ZNF827: variants seen among roughly 807,000 people sequenced by gnomAD.
ZNF827 encodes the protein zinc finger protein 827.
ZNF827 carries 13 observed loss-of-function variants against 102.4 expected under a neutral mutation model. That is an observed-to-expected ratio of 0.13 (90% CI 0.08 to 0.20). The LOEUF (loss-of-function observed/expected upper bound fraction) is 0.20. Ranked by LOEUF, ZNF827 falls within the 10% of genes least tolerant of loss-of-function variation. The pLI is 1.00. For synonymous variants in ZNF827, 523 were observed against 536.2 expected, an observed-to-expected ratio of 0.98 and a Z score of 0.34; for missense variants, 1,103 against 1,344.4, an observed-to-expected ratio of 0.82 and a Z score of 2.81.
At chr4:145,810,993 C>CTTTTTTTTTT (rs34011180) in intron 8 of ZNF827, among the ~76,000 whole-genome samples, 1 of 137,974 alleles carries the variant, frequency 7.2e-6, no homozygotes, top group African/African-American at 2.7e-5. Context: ...ACTCATTTCG[C>CTTTTTTTTTT]TTTTTTTTTT....
At position 145,768,911 on chromosome 4, in the gene ZNF827, ATAT is replaced by A. The variant is rs1735799984; in HGVS notation, c.2861-3176_2861-3174del. 3.8e-4 allele frequency among the ~76,000 whole-genome samples: 18 copies of A among 47,458 alleles called. 3 individuals are homozygous for A. The highest frequency in any genetic ancestry group is 6.8e-4 in the Non-Finnish European group (15 of 22,044). 31.1% of individuals were successfully genotyped at this position (47,458 alleles called of 152,430 possible). A position where few individuals can be genotyped will look rare whatever the true frequency, so the allele number is the denominator to read the frequency against. ...AAAAAATATATATATATATATATAT[ATAT>A]ATTAGGTATACAAAGTTTGGAAATA... On this transcript the variant is annotated intron_variant, in intron 11 of 14. Coordinates refer to ENST00000508784, the MANE Select transcript of ZNF827 (RefSeq NM_001306215.2).
chr4:145,882,581 C>T (rs1023117870), intron 4 of ZNF827, among the ~76,000 whole-genome samples: 16 of 152,164 alleles, frequency 1.1e-4, no homozygotes, highest in African/African-American at 3.1e-4. Context: ...TAATCCCACT[C>T]GGTTCCATTC....
At chr4:145,935,177 A>G (rs1408194381) in intron 1 of ZNF827, among the ~76,000 whole-genome samples, 2 of 152,236 alleles carry the variant, frequency 1.3e-5, no homozygotes, top group Non-Finnish European at 1.5e-5. Context: ...CAGACTTCCT[A>G]TATTTTAAAT....
chr4:145,774,342 T>C (rs1343117718), intron 11 of ZNF827, among the ~76,000 whole-genome samples, 164 bp downstream of exon 11: 1 of 152,190 alleles, frequency 6.6e-6, no homozygotes, highest in African/African-American at 2.4e-5. Context: ...AACAGTATTA[T>C]GACTACAGGG....
chr4:145,794,071 T>C (rs989830147), intron 8 of ZNF827, among the ~76,000 whole-genome samples: 4 of 152,224 alleles, frequency 2.6e-5, no homozygotes, highest in Non-Finnish European at 5.9e-5. Context: ...TCTTCAACCA[T>C]ACACTGTTTT....
intron 4 of ZNF827, among the ~76,000 whole-genome samples, chr4:145,872,142 C>T: frequency 6.6e-6 from 1 of 152,208 alleles, no homozygotes; most frequent in African/African-American, 2.4e-5. Context: ...TACTTATTAC[C>T]TAATAACCTA....
In ZNF827 at chr4:145,758,289, T is replaced by C. The variant is rs1734110606; in HGVS notation, c.*3327A>G. On this transcript the variant is annotated 3_prime_UTR_variant, in exon 15 of 15. Transcript: ENST00000508784. ...GTTCAGTGGCAAGCAGTGAAATGCA[T>C]GGCATTTGAGCAGTAAACGTCTCCT... 1.3e-5 allele frequency: 2 copies of C among 152,206 alleles called. No individual in the cohort carries two copies. The highest frequency in any genetic ancestry group is 4.8e-5 in the African/African-American group (2 of 41,456). 9.4% of individuals were successfully genotyped at this position (152,206 alleles called of 1,614,324 possible). A position where few individuals can be genotyped will look rare whatever the true frequency, so the allele number is the denominator to read the frequency against.
chr4:145,793,544 G>T (rs529901510), intron 8 of ZNF827, among the ~76,000 whole-genome samples: 186 of 151,432 alleles, frequency 1.2e-3, no homozygotes, highest in Non-Finnish European at 1.4e-3. Context: ...ATGTTTTTCT[G>T]CCTGCTTTAT....
chr4:145,882,881 C>T lies in ZNF827; in HGVS notation c.1747+2797G>A, dbSNP rs889183009. Among the ~76,000 whole-genome samples, 5 of 152,194 alleles carry T rather than the reference C, an allele frequency of 3.3e-5. No homozygotes were observed. In the East Asian group the frequency reaches 7.7e-4, roughly 23 times the overall value. On this transcript the variant is annotated intron_variant, in intron 4 of 14. Coordinates refer to ENST00000508784, the MANE Select transcript of ZNF827 (RefSeq NM_001306215.2). The stretch of plus-strand genomic sequence containing the variant: ...GCCGTTATAACGCCAAGGGACAAGG[C>T]CCGAGACTAGCCACTACTTCACTAC...
intron 7 of ZNF827, among the ~76,000 whole-genome samples, chr4:145,840,267 G>T (rs1745281593): frequency 6.6e-6 from 1 of 152,286 alleles, no homozygotes; most frequent in Non-Finnish European, 1.5e-5. Flanking sequence ...CAGGGCAGCT[G>T]CAGATAGTGG....
chr4:145,821,860 A>C (rs2126482213), intron 8 of ZNF827, among the ~76,000 whole-genome samples: 1 of 152,304 alleles, frequency 6.6e-6, no homozygotes, highest in South Asian at 2.1e-4. Context: ...TTTTAACTTG[A>C]CCAATAAACC....
Position 145,761,615 on chromosome 4 carries a change from C to G in ZNF827, c.*18-17G>C, listed in dbSNP as rs1417846640. On this transcript the variant is annotated splice_polypyrimidine_tract_variant and intron_variant, in intron 14 of 14. Transcript: ENST00000508784. This position sits in a 1 kb window ranked among gnomAD's most constrained non-coding sequence, Gnocchi z 6.8. The stretch of plus-strand genomic sequence containing the variant: ...AATGGGCACCTGCCGGGGAAAGCAA[C>G]GCAAGGGAGGTTCAGCCGGGAAGGT... The G allele has an allele frequency of 8.9e-6, 11 of 1,233,980 alleles. No homozygotes were observed. The highest frequency in any genetic ancestry group is 1.5e-5 in the African/African-American group (1 of 64,906). 76.4% of individuals were successfully genotyped at this position (1,233,980 alleles called of 1,614,324 possible).
At chr4:145,858,709 G>A (rs1417116355) in intron 5 of ZNF827, among the ~76,000 whole-genome samples, 1 of 151,424 alleles carries the variant, frequency 6.6e-6, no homozygotes, top group Non-Finnish European at 1.5e-5. Flanking sequence ...TAGAATCCCT[G>A]CTACCATAAA....
chr4:145,918,861 A>T (rs961399025), intron 1 of ZNF827, among the ~76,000 whole-genome samples: 1 of 152,202 alleles, frequency 6.6e-6, no homozygotes, highest in Non-Finnish European at 1.5e-5. Context: ...GACCTCAGGG[A>T]TCCTCCTGGT....
chr4:145,780,686 G>A (rs138850318), intron 8 of ZNF827, among the ~76,000 whole-genome samples: 1 of 152,334 alleles, frequency 6.6e-6, no homozygotes, highest in East Asian at 1.9e-4. Context: ...ACCAGAAAGA[G>A]AGAAGGAGAC....
Position 145,936,252 on chromosome 4 carries a change from C to T in ZNF827, c.43+2113G>A, listed in dbSNP as rs1042209929. 2.6e-5 allele frequency among the ~76,000 whole-genome samples: 4 copies of T among 152,052 alleles called. No individual in the cohort carries two copies. In the South Asian group the frequency reaches 8.3e-4, roughly 32 times the overall value. On this transcript the variant is annotated intron_variant, in intron 1 of 14. Coordinates refer to ENST00000508784, the MANE Select transcript of ZNF827 (RefSeq NM_001306215.2). ...ACGCACACTCTTCCACCAACTGCTG[C>T]GAGTTTTCTGTGAATCGCAGCGCGG...
At chr4:145,835,461 T>A (rs555105959) in intron 7 of ZNF827, among the ~76,000 whole-genome samples, 48 of 150,680 alleles carry the variant, frequency 3.2e-4, no homozygotes, top group African/African-American at 1.1e-3. Flanking sequence ...AACACTCTTT[T>A]AAGCACTCCT....
Position 145,902,014 on chromosome 4 carries a change from T to C in ZNF827, c.1093+152A>G, listed in dbSNP as rs1206904821. ...GTAATACGTACATGAAAGACTACTA[T>C]GCTGCTTACTTAAAGTATTTTTGTT... On this transcript the variant is annotated intron_variant, in intron 2 of 14. Coordinates refer to ENST00000508784, the MANE Select transcript of ZNF827 (RefSeq NM_001306215.2). This position sits in a 1 kb window ranked among gnomAD's most constrained non-coding sequence, Gnocchi z 4.3. 2 of 935,832 alleles carry C rather than the reference T, an allele frequency of 2.1e-6. No homozygotes were observed. The highest frequency in any genetic ancestry group is 1.7e-5 in the African/African-American group (1 of 59,866). 58.0% of individuals were successfully genotyped at this position (935,832 alleles called of 1,614,324 possible). A position where few individuals can be genotyped will look rare whatever the true frequency, so the allele number is the denominator to read the frequency against.
At chr4:145,918,929 G>T (rs1250934318) in intron 1 of ZNF827, among the ~76,000 whole-genome samples, 1 of 152,058 alleles carries the variant, frequency 6.6e-6, no homozygotes, top group African/African-American at 2.4e-5. Context: ...ATCTTACTGG[G>T]GACTAAGTGT....
Sources: gnomAD v4.1 joint callset for allele counts (sites outside exome capture counted in the v4.1 genomes callset) on GRCh38, gnomAD v4.1.1 for gene constraint, Gnocchi (gnomAD v3.1) non-coding constraint, MANE v1.5 for transcripts, NCBI Gene and HGNC (gene_info 2026-07-23, HGNC 2026-07-21) for gene names.